The following SGCZ variants were observed in gnomAD, a reference collection of about 807,000 sequenced individuals.
SGCZ encodes zeta-sarcoglycan.
A neutral mutation model predicts 41.3 loss-of-function variants in SGCZ; 40 were observed. That is an observed-to-expected ratio of 0.97 (90% CI 0.75 to 1.26). The LOEUF (loss-of-function observed/expected upper bound fraction) is 1.26. SGCZ is among the 50% of genes most tolerant of loss of function. The pLI is 0.00. For missense variants in SGCZ, 552 were observed against 369.8 expected, an observed-to-expected ratio of 1.49 and a Z score of -4.04; for synonymous variants, 206 against 137.5, an observed-to-expected ratio of 1.50 and a Z score of -3.49.
intron 1 of SGCZ, among the ~76,000 whole-genome samples, chr8:14,812,399 G>A (rs1486974923): frequency 6.6e-6 from 1 of 152,036 alleles, no homozygotes; most frequent in African/African-American, 2.4e-5. Flanking sequence ...TGTTAGCCAT[G>A]TCAGATGTTT....
rs537252854 is a variant in SGCZ, at chr8:14,968,621, G to A, written c.39+268964C>T. 2.0e-5 allele frequency among the ~76,000 whole-genome samples: 3 copies of A among 152,224 alleles called. No individual in the cohort carries two copies. The South Asian group carries it at 6.2e-4, about 32-fold the overall frequency. On this transcript the variant is annotated intron_variant, in intron 1 of 7. Transcript: ENST00000382080. Reference sequence around the variant, plus strand: ...AGATGACGTGTGTACAGATGATTGAGAAAACAAGAGAATTATCAAAAGTTT... The same window carrying A: ...AGATGACGTGTGTACAGATGATTGAAAAAACAAGAGAATTATCAAAAGTTT...
intron 1 of SGCZ, among the ~76,000 whole-genome samples, chr8:15,052,414 G>C (rs1487478320): frequency 6.6e-6 from 1 of 152,178 alleles, no homozygotes; most frequent in East Asian, 1.9e-4. Context: ...GGTGGACTGA[G>C]TCATGCAAAG....
intron 4 of SGCZ, among the ~76,000 whole-genome samples, chr8:14,166,900 G>C (rs1051135527): frequency 6.6e-6 from 1 of 152,050 alleles, no homozygotes. Context: ...GCACATAGAT[G>C]AGATGCATCT....
chr8:14,431,539 T>G (rs892086068), intron 2 of SGCZ, among the ~76,000 whole-genome samples: 1 of 152,056 alleles, frequency 6.6e-6, no homozygotes. Flanking sequence ...AAAAATCAAC[T>G]CAAGATGGAT....
intron 2 of SGCZ, among the ~76,000 whole-genome samples, chr8:14,374,637 T>A (rs958759589): frequency 6.6e-6 from 1 of 152,096 alleles, no homozygotes; most frequent in East Asian, 1.9e-4. Context: ...CATAAATACA[T>A]AGGGAGGCCA....
intron 1 of SGCZ, among the ~76,000 whole-genome samples, chr8:14,693,563 C>T (rs1433014363): frequency 7.4e-6 from 1 of 135,034 alleles, no homozygotes; most frequent in Non-Finnish European, 1.6e-5. Flanking sequence ...GGATTACAGG[C>T]GTCAGCTACC....
intron 2 of SGCZ, among the ~76,000 whole-genome samples, chr8:14,351,542 T>C (rs983321125): frequency 1.3e-5 from 2 of 151,314 alleles, no homozygotes; most frequent in Non-Finnish European, 2.9e-5. Flanking sequence ...TTACTATAAA[T>C]TATCATATAA....
chr8:14,345,886 AAC>A (rs1291968565), intron 2 of SGCZ, among the ~76,000 whole-genome samples: 1 of 152,114 alleles, frequency 6.6e-6, no homozygotes, highest in Non-Finnish European at 1.5e-5. Context: ...CAAAATCATG[AAC>A]ACAGTCAAAA....
chr8:14,204,108 G>A (rs1288228707), intron 4 of SGCZ, among the ~76,000 whole-genome samples: 1 of 152,158 alleles, frequency 6.6e-6, no homozygotes, highest in South Asian at 2.1e-4. Context: ...CTGAATCTGG[G>A]ATTGGTTTCG....
At chr8:14,708,620 G>T (rs566604858) in intron 1 of SGCZ, among the ~76,000 whole-genome samples, 1 of 152,036 alleles carries the variant, frequency 6.6e-6, no homozygotes, top group South Asian at 2.1e-4. Flanking sequence ...CAGAAAACTG[G>T]TTTTAACAAT....
At chr8:14,243,472 T>C (rs1382399363) in intron 3 of SGCZ, among the ~76,000 whole-genome samples, 3 of 152,176 alleles carry the variant, frequency 2.0e-5, no homozygotes, top group Non-Finnish European at 2.9e-5. Context: ...TTAAAACATA[T>C]TGGCATACTT....
At chr8:15,089,687 C>A (rs1226290026) in intron 1 of SGCZ, among the ~76,000 whole-genome samples, 1 of 152,148 alleles carries the variant, frequency 6.6e-6, no homozygotes, top group African/African-American at 2.4e-5. Context: ...AGCTCATAAT[C>A]CTAAAACTCA....
At chr8:14,387,336 G>T (rs1804611055) in intron 2 of SGCZ, among the ~76,000 whole-genome samples, 1 of 152,128 alleles carries the variant, frequency 6.6e-6, no homozygotes, top group African/African-American at 2.4e-5. Flanking sequence ...ACAGGTGTGA[G>T]CCACAATGCC....
At chr8:14,483,046 A>T (rs536288075) in intron 2 of SGCZ, among the ~76,000 whole-genome samples, 54 of 152,226 alleles carry the variant, frequency 3.5e-4, no homozygotes, top group African/African-American at 1.3e-3. Flanking sequence ...TTGCCCTGAC[A>T]TACAACACAA....
At chr8:14,559,545 C>G (rs561805983) in intron 1 of SGCZ, among the ~76,000 whole-genome samples, 1 of 151,910 alleles carries the variant, frequency 6.6e-6, no homozygotes, top group Non-Finnish European at 1.5e-5. Flanking sequence ...ATTGTGAAAA[C>G]GACCATACTT....
intron 1 of SGCZ, among the ~76,000 whole-genome samples, chr8:15,161,263 G>T (rs900608534): frequency 2.6e-5 from 4 of 152,020 alleles, no homozygotes; most frequent in Non-Finnish European, 4.4e-5. Context: ...TGACTCCCTT[G>T]TTTACCTCCC....
chr8:14,946,828 A>G (rs1346030542), intron 1 of SGCZ, among the ~76,000 whole-genome samples: 1 of 151,702 alleles, frequency 6.6e-6, no homozygotes, highest in African/African-American at 2.4e-5. Flanking sequence ...GGCACCCACC[A>G]CCACGCCCAG....
intron 1 of SGCZ, among the ~76,000 whole-genome samples, chr8:15,135,337 T>G (rs899175561): frequency 6.6e-6 from 1 of 152,208 alleles, no homozygotes; most frequent in African/African-American, 2.4e-5. Context: ...TGGCTCATTT[T>G]CACTGATTTT....
intron 3 of SGCZ, among the ~76,000 whole-genome samples, chr8:14,280,028 G>A (rs1800368125): frequency 6.6e-6 from 1 of 151,882 alleles, no homozygotes; most frequent in Admixed American, 6.6e-5. Flanking sequence ...TGAATGGTAG[G>A]AGTCAAATAT....
Sources: gnomAD v4.1 joint callset for allele counts (sites outside exome capture counted in the v4.1 genomes callset) on GRCh38, gnomAD v4.1.1 for gene constraint, MANE v1.5 for transcripts, NCBI Gene and HGNC (gene_info 2026-07-23, HGNC 2026-07-21) for gene names.